The following OR2L13 variants were observed in gnomAD, a reference collection of about 807,000 sequenced individuals.
OR2L13 encodes the protein olfactory receptor family 2 subfamily L member 13.
Under a neutral mutation model 15.3 loss-of-function variants are expected in OR2L13, and 14 were observed. The ratio of observed to expected loss-of-function variants is 0.91; its 90% CI spans 0.60 to 1.43. The LOEUF (loss-of-function observed/expected upper bound fraction) is 1.43, where lower values mean the gene tolerates loss of function less well. Among genes scored for constraint, OR2L13 ranks in the 40% most tolerant of loss-of-function variants. The pLI is 0.00. For missense variants in OR2L13, 367 were observed against 387.9 expected (o/e 0.95, Z 0.45); for synonymous variants, 152 against 142.9 (o/e 1.06, Z -0.45).
the OR2L13 span, among the ~76,000 whole-genome samples, chr1:248,015,445 G>T: frequency 6.6e-6 from 1 of 152,120 alleles, no homozygotes; most frequent in Non-Finnish European, 1.5e-5. Context: ...CTATAGACAT[G>T]CAGATTCAGG....
chr1:248,088,034 CTATT>C, the OR2L13 span, among the ~76,000 whole-genome samples: 1 of 152,108 alleles, frequency 6.6e-6, no homozygotes, highest in African/African-American at 2.4e-5. Flanking sequence ...TACACGCGTG[CTATT>C]TAATCTTTTA....
chr1:248,027,173 G>C, the OR2L13 span, among the ~76,000 whole-genome samples: 1 of 152,146 alleles, frequency 6.6e-6, no homozygotes, highest in Non-Finnish European at 1.5e-5. Context: ...GTCTTTTACA[G>C]TCATAGATAA....
the OR2L13 span, chr1:247,949,680 G>T: frequency 6.2e-7 from 1 of 1,613,908 alleles, no homozygotes; most frequent in Non-Finnish European, 8.5e-7. Context: ...GGTTCTGGCT[G>T]TCTTCTACAC....
the OR2L13 span, among the ~76,000 whole-genome samples, chr1:248,050,151 C>G: frequency 6.6e-6 from 1 of 151,984 alleles, no homozygotes; most frequent in African/African-American, 2.4e-5. Context: ...GTTCAGGTTT[C>G]AGGTTTGTGG....
At chr1:248,004,313 G>A in the OR2L13 span, among the ~76,000 whole-genome samples, 227 of 152,284 alleles carry the variant, frequency 1.5e-3, 1 homozygote, top group African/African-American at 4.7e-3. Context: ...TATTGTCAAT[G>A]AGAATGTTTG....
the OR2L13 span, chr1:248,083,806 T>C: frequency 6.2e-7 from 1 of 1,613,816 alleles, no homozygotes; most frequent in South Asian, 1.1e-5. Context: ...TTAGTGGACC[T>C]GTGGGATTTG....
the OR2L13 span, among the ~76,000 whole-genome samples, chr1:247,957,160 T>C: frequency 6.7e-6 from 1 of 149,112 alleles, no homozygotes; most frequent in Non-Finnish European, 1.5e-5. Context: ...ATGAACGTTG[T>C]TGAATTTTGT....
At chr1:248,081,477 G>A in the OR2L13 span, among the ~76,000 whole-genome samples, 6 of 151,872 alleles carry the variant, frequency 4.0e-5, no homozygotes, top group Non-Finnish European at 5.9e-5. Context: ...AATTTTATAG[G>A]CCTCATTTAC....
the OR2L13 span, among the ~76,000 whole-genome samples, chr1:247,976,236 AT>A: frequency 2.0e-5 from 3 of 152,304 alleles, no homozygotes; most frequent in East Asian, 5.8e-4. Flanking sequence ...TATTTGAACC[AT>A]TCCCCAGTCA....
At chr1:248,062,361 T>G in the OR2L13 span, 1 of 151,916 alleles carries the variant, frequency 6.6e-6, no homozygotes, top group Admixed American at 6.6e-5. Flanking sequence ...TGGGAGTTTA[T>G]TTTCATTTTT....
At chr1:247,972,445 C>G in the OR2L13 span, among the ~76,000 whole-genome samples, 1 of 152,152 alleles carries the variant, frequency 6.6e-6, no homozygotes, top group Non-Finnish European at 1.5e-5. Context: ...CACCACTGAT[C>G]CCACAGAAAT....
chr1:248,061,726 C>A, the OR2L13 span: 1 of 1,059,558 alleles, frequency 9.4e-7, no homozygotes, highest in Non-Finnish European at 1.3e-6. Context: ...TAAAAGTAAT[C>A]AAGGTAAGAG....
At chr1:248,096,234 T>A (rs528940160), upstream of OR2L13, among the ~76,000 whole-genome samples, 1 of 151,572 alleles carries the variant, frequency 6.6e-6, no homozygotes, top group Non-Finnish European at 1.5e-5. Context: ...AAAATAAAAA[T>A]TAGCCGGGCG....
the OR2L13 span, chr1:247,949,644 T>C: frequency 6.2e-7 from 1 of 1,613,802 alleles, no homozygotes; most frequent in African/African-American, 1.3e-5. Flanking sequence ...ACGTCCAAGA[T>C]CCCTGCGATC....
chr1:247,963,932 C>T, the OR2L13 span, among the ~76,000 whole-genome samples: 1 of 152,086 alleles, frequency 6.6e-6, no homozygotes, highest in Non-Finnish European at 1.5e-5. Context: ...CACAAGGAAA[C>T]AAGGTATGAT....
chr1:248,070,714 T>C, the OR2L13 span, among the ~76,000 whole-genome samples: 1 of 151,872 alleles, frequency 6.6e-6, no homozygotes, highest in Admixed American at 6.6e-5. Context: ...ATCAACAAAA[T>C]TGATAGACCA....
the OR2L13 span, among the ~76,000 whole-genome samples, chr1:247,963,769 AG>A: frequency 6.6e-6 from 1 of 152,196 alleles, no homozygotes; most frequent in African/African-American, 2.4e-5. Flanking sequence ...TAGTACAAAA[AG>A]GGTTTCCAGT....
the OR2L13 span, among the ~76,000 whole-genome samples, chr1:247,969,796 C>A: frequency 6.6e-6 from 1 of 151,686 alleles, no homozygotes; most frequent in Non-Finnish European, 1.5e-5. Flanking sequence ...GTACCAGCAG[C>A]AAAAGCACCG....
the OR2L13 span, among the ~76,000 whole-genome samples, chr1:248,044,310 C>T: frequency 6.6e-6 from 1 of 152,150 alleles, no homozygotes; most frequent in African/African-American, 2.4e-5. Flanking sequence ...TACATGATCT[C>T]CCTTATATAT....
Sources: allele counts gnomAD v4.1 joint callset (sites outside exome capture counted in the v4.1 genomes callset), GRCh38; gene constraint gnomAD v4.1.1; transcripts MANE v1.5; gene names NCBI Gene and HGNC (gene_info 2026-07-23, HGNC 2026-07-21).